EPGN: variants seen among roughly 807,000 people sequenced by gnomAD.
The protein encoded by EPGN is epithelial mitogen.
A neutral mutation model predicts 20.7 loss-of-function variants in EPGN; 21 were observed. The observed-to-expected ratio is 1.01, with a 90% CI of 0.72 to 1.46. The LOEUF is 1.46. Among genes scored for constraint, EPGN ranks in the 40% most tolerant of loss-of-function variants. The pLI is 0.00. For synonymous variants in EPGN, 69 were observed against 63.8 expected (o/e 1.08, Z -0.39); for missense variants, 199 against 180.7 (o/e 1.10, Z -0.58).
chr4:74,313,202 A>C, intron 4 of EPGN, 32 bp downstream of exon 4: 1 of 1,594,596 alleles, frequency 6.3e-7, no homozygotes, highest in Non-Finnish European at 8.5e-7. Context: ...AAGTCACTTC[A>C]TATGCAATCG....
chr4:74,314,543 C>G, intron 4 of EPGN, 37 bp from the exon 5 acceptor site: 5 of 1,527,554 alleles, frequency 3.3e-6, no homozygotes, highest in Non-Finnish European at 4.4e-6. Flanking sequence ...ATATGAACCA[C>G]AGTCAAATTC....
At chr4:74,311,287 T>A (rs1750931410) in intron 2 of EPGN, among the ~76,000 whole-genome samples, 1 of 151,382 alleles carries the variant, frequency 6.6e-6, no homozygotes, top group Admixed American at 6.6e-5. Context: ...TGCCTGAGAA[T>A]TAATTATTAA....
At chr4:74,310,652 T>A (rs1553925994) in intron 2 of EPGN, among the ~76,000 whole-genome samples, 1 of 151,994 alleles carries the variant, frequency 6.6e-6, no homozygotes, top group Non-Finnish European at 1.5e-5. Flanking sequence ...TCCAATACAG[T>A]CATCCTCCGT....
intron 2 of EPGN, among the ~76,000 whole-genome samples, chr4:74,311,050 T>C (rs557506659): frequency 6.6e-6 from 1 of 152,290 alleles, no homozygotes; most frequent in South Asian, 2.1e-4. Flanking sequence ...TCCTTTTGTT[T>C]TTTATCTAAC....
At chr4:74,313,659 T>G in intron 4 of EPGN, 1 of 957,094 alleles carries the variant, frequency 1.0e-6, no homozygotes, top group African/African-American at 1.8e-5. Context: ...CAGAAGATAC[T>G]GTCTCCTGCT....
chr4:74,309,074 T>G lies in EPGN; in HGVS notation c.44-19T>G. On this transcript the variant is annotated intron_variant, in intron 1 of 4. Transcript: ENST00000413830. ...GAAGGAGGCTCTCTGTTAAAGATGC[T>G]TTTGCCCCCTTAATACAGCAATGAC... 1 of 1,597,292 alleles carries G rather than the reference T, an allele frequency of 6.3e-7. No individual in the cohort carries two copies. The highest frequency in any genetic ancestry group is 8.6e-7 in the Non-Finnish European group (1 of 1,166,876).
chr4:74,309,565 GACATTATGGCTACAAGATGA>G (rs151119326), intron 2 of EPGN, among the ~76,000 whole-genome samples: 6,617 of 152,176 alleles, frequency 0.043, 443 homozygotes, highest in African/African-American at 0.15. Context: ...TGATGCCAAA[GACATTATGGCTACAAGATGA>G]ACAGCACTTT....
chr4:74,314,696 A>G lies in EPGN; in HGVS notation c.*59A>G, dbSNP rs1231881741. The G allele has an allele frequency of 6.9e-7, 1 of 1,457,326 alleles. No homozygotes were observed. The highest frequency in any genetic ancestry group is 1.4e-5 in the African/African-American group (1 of 70,596). 90.3% of individuals were successfully genotyped at this position (1,457,326 alleles called of 1,614,324 possible). A position where few individuals can be genotyped will look rare whatever the true frequency, so the allele number is the denominator to read the frequency against. ...TAGAGATCAGTGAGCCCAAAATTAAAGTTTTCAGATGAAACAACAAAACTT... is the reference window on the plus strand; with the variant it reads ...TAGAGATCAGTGAGCCCAAAATTAAGGTTTTCAGATGAAACAACAAAACTT... On this transcript the variant is annotated 3_prime_UTR_variant, in exon 5 of 5. Coordinates refer to ENST00000413830, the MANE Select transcript of EPGN (RefSeq NM_001270989.2).
chr4:74,313,945 A>G (rs764240037), intron 4 of EPGN, among the ~76,000 whole-genome samples: 7 of 152,186 alleles, frequency 4.6e-5, no homozygotes, highest in South Asian at 2.1e-4. Flanking sequence ...AATCTATATT[A>G]TATCAGTTGT....
At position 74,316,051 on chromosome 4, in the gene EPGN, G is replaced by A. The variant is rs556604047; in HGVS notation, c.*1414G>A. The stretch of plus-strand genomic sequence containing the variant: ...GGTCGCTTAATTTATTTGTGCTTTT[G>A]TTTCATCTTCTACAAGGCCCTCTTA... On this transcript the variant is annotated 3_prime_UTR_variant, in exon 5 of 5. Transcript: ENST00000413830. 6.6e-6 allele frequency among the ~76,000 whole-genome samples: 1 copy of A among 151,060 alleles called. No individual in the cohort carries two copies. The highest frequency in any genetic ancestry group is 2.4e-5 in the African/African-American group (1 of 41,132).
chr4:74,313,240 A>G (rs767306993), intron 4 of EPGN, 70 bp downstream of exon 4: 11 of 1,530,712 alleles, frequency 7.2e-6, no homozygotes, highest in Non-Finnish European at 9.6e-6. Flanking sequence ...CAGGCCCTAT[A>G]ATGTGTCAGG....
At chr4:74,310,007 A>G (rs1407878388) in intron 2 of EPGN, among the ~76,000 whole-genome samples, 1 of 152,210 alleles carries the variant, frequency 6.6e-6, no homozygotes, top group African/African-American at 2.4e-5. Flanking sequence ...TTAAAATTTT[A>G]AATGATTGTC....
rs183715047 is a variant in EPGN at position 74,316,718 on chromosome 4, G to A, written c.*2081G>A. On this transcript the variant is annotated 3_prime_UTR_variant, in exon 5 of 5. Coordinates refer to ENST00000413830, the MANE Select transcript of EPGN (RefSeq NM_001270989.2). ...TTTCAAAAAGATGTAAAAGAGCTGG[G>A]GAGAGTATGGGAAGAAACAATACAG... is the stretch of plus-strand genomic sequence containing the variant. 2.8e-4 allele frequency among the ~76,000 whole-genome samples: 43 copies of A among 152,190 alleles called. No homozygotes were observed. Among genetic ancestry groups the A allele is most frequent in the Non-Finnish European group, 4.9e-4 (33 of 68,010 alleles).
rs946210677 is a variant in EPGN at position 74,315,770 on chromosome 4, G to C, written c.*1133G>C. 2.0e-5 allele frequency among the ~76,000 whole-genome samples: 3 copies of C among 151,978 alleles called. No individual in the cohort carries two copies. Among genetic ancestry groups the C allele is most frequent in the Non-Finnish European group, 4.4e-5 (3 of 67,980 alleles). ...AGTTTGAGACCAGCCTGGCCAACAT[G>C]GTGAAACCCTGTCTCTACTAAAAAT... On this transcript the variant is annotated 3_prime_UTR_variant, in exon 5 of 5. Transcript: ENST00000413830.
chr4:74,312,184 G>C lies in EPGN; in HGVS notation c.134-1G>C, dbSNP rs1365629310. The C allele has an allele frequency of 6.3e-7, 1 of 1,594,154 alleles. No homozygotes were observed. The highest frequency in any genetic ancestry group is 8.5e-7 in the Non-Finnish European group (1 of 1,173,144). On this transcript the variant is annotated splice_acceptor_variant, in intron 2 of 4. Coordinates refer to ENST00000413830, the MANE Select transcript of EPGN (RefSeq NM_001270989.2). LOFTEE classifies it high-confidence loss of function. ...GCTAACATTGTATCTCCTTTTCCTA[G>C]CTGACAACATAGAAGGACCCATAGC...
At chr4:74,313,206 G>A (rs1347227469) in intron 4 of EPGN, 36 bp downstream of exon 4, 2 of 1,587,410 alleles carry the variant, frequency 1.3e-6, no homozygotes, top group Middle Eastern at 1.7e-4. Context: ...CACTTCATAT[G>A]CAATCGTTTG....
intron 4 of EPGN, 60 bp from the exon 5 acceptor site, chr4:74,314,520 G>T: frequency 2.0e-6 from 3 of 1,498,896 alleles, no homozygotes; most frequent in Non-Finnish European, 1.8e-6. Flanking sequence ...ATTTATGTAA[G>T]CTTCAATGAC....
chr4:74,314,024 A>G (rs1751138844), intron 4 of EPGN: 2 of 428,642 alleles, frequency 4.7e-6, no homozygotes, highest in Non-Finnish European at 9.3e-6. Flanking sequence ...ACTTTTCCAC[A>G]TTACTAAGGT....
At chr4:74,310,197 C>T (rs944875128) in intron 2 of EPGN, among the ~76,000 whole-genome samples, 1 of 152,042 alleles carries the variant, frequency 6.6e-6, no homozygotes, top group African/African-American at 2.4e-5. Context: ...CACAGTGGCT[C>T]GTGCCTGTAA....
Sources: gnomAD v4.1 joint callset for allele counts (sites outside exome capture counted in the v4.1 genomes callset) on GRCh38, gnomAD v4.1.1 for gene constraint, MANE v1.5 for transcripts, NCBI Gene and HGNC (gene_info 2026-07-23, HGNC 2026-07-21) for gene names.